Variants in CHODL observed in about 807,000 individuals in gnomAD.
CHODL encodes the protein chondrolectin.
In CHODL, 29 loss-of-function variants were observed where a neutral mutation model predicts 34.5. That is an observed-to-expected ratio of 0.84 (90% CI 0.63 to 1.15). The LOEUF (loss-of-function observed/expected upper bound fraction) is 1.15. Ranked by LOEUF, CHODL falls within the 50% of genes most tolerant of loss-of-function variation. CHODL has a pLI of 0.00. For synonymous variants in CHODL, 125 were observed against 116.1 expected (o/e 1.08, Z -0.49); for missense variants, 332 against 332.5 (o/e 1.00, Z 0.01).
At chr21:18,151,108 A>C in intron 2 of CHODL, among the ~76,000 whole-genome samples, 1 of 146,916 alleles carries the variant, frequency 6.8e-6, no homozygotes, top group African/African-American at 2.5e-5. Context: ...AAAAAAAAGA[A>C]AGAAATTCTC....
chr21:17,967,740 G>A (rs1204082613), intron 1 of CHODL, among the ~76,000 whole-genome samples: 2 of 152,142 alleles, frequency 1.3e-5, no homozygotes, highest in African/African-American at 4.8e-5. Context: ...TCCGTAACTA[G>A]GGTCTTTTTT....
At chr21:17,947,203 G>A (rs2063417562) in intron 1 of CHODL, among the ~76,000 whole-genome samples, 1 of 151,970 alleles carries the variant, frequency 6.6e-6, no homozygotes, top group Non-Finnish European at 1.5e-5. Context: ...AGTAATAGGA[G>A]GAACTTCAGA....
chr21:17,934,709 T>A (rs1275215600), intron 1 of CHODL, among the ~76,000 whole-genome samples: 1 of 152,200 alleles, frequency 6.6e-6, no homozygotes, highest in African/African-American at 2.4e-5. Flanking sequence ...AAAATGTCTA[T>A]AATATTTAAA....
Position 18,005,292 on chromosome 21 carries a change from G to A in CHODL, c.-144-22580G>A, listed in dbSNP as rs550434342. ...ATTCTTACCTATAATTCATAAGGCT[G>A]TTACAACTATTAAAGGAGGAATGTT... On this transcript the variant is annotated intron_variant, in intron 1 of 6. Transcript: ENST00000400127. Among the ~76,000 whole-genome samples, 12 of 152,290 alleles carry A rather than the reference G, an allele frequency of 7.9e-5. No individual in the cohort carries two copies. In the South Asian group the frequency reaches 1.7e-3, roughly 21 times the overall value.
chr21:18,035,584 T>C (rs1175906206), intron 2 of CHODL, among the ~76,000 whole-genome samples: 2 of 152,032 alleles, frequency 1.3e-5, no homozygotes, highest in East Asian at 3.9e-4. Context: ...CAATTTCATA[T>C]ATACTAGTCT....
At position 18,158,778 on chromosome 21, in the gene CHODL, C is replaced by T. The variant is rs145639870; in HGVS notation, c.-44-97731C>T. Among the ~76,000 whole-genome samples the T allele has an allele frequency of 2.5e-3, 353 of 140,818 alleles. 1 individual carries two copies. Among genetic ancestry groups the T allele is most frequent in the African/African-American group, 8.4e-3 (320 of 38,004 alleles). 92.4% of individuals were successfully genotyped at this position (140,818 alleles called of 152,430 possible). A position where few individuals can be genotyped will look rare whatever the true frequency, so the allele number is the denominator to read the frequency against. Reference sequence around the variant, plus strand: ...GCTTGAACCCGGGAGGCGGAAGTTGCGGTGAGCCGAGGTGCTGCCATTGTA... The same window carrying T: ...GCTTGAACCCGGGAGGCGGAAGTTGTGGTGAGCCGAGGTGCTGCCATTGTA... On this transcript the variant is annotated intron_variant, in intron 2 of 6. Coordinates refer to the CHODL transcript ENST00000400127.
intron 1 of CHODL, among the ~76,000 whole-genome samples, chr21:17,933,139 A>C (rs576074683): frequency 6.6e-5 from 10 of 152,206 alleles, no homozygotes; most frequent in Admixed American, 2.6e-4. Flanking sequence ...TAGATGGAAC[A>C]TACAATCGGG....
intron 2 of CHODL, among the ~76,000 whole-genome samples, chr21:18,233,440 TATC>T (rs2074001214): frequency 6.6e-6 from 1 of 152,106 alleles, no homozygotes; most frequent in Non-Finnish European, 1.5e-5. Context: ...ATGGCTATAG[TATC>T]ATAAGACATT....
At chr21:18,043,195 T>C (rs1369544251) in intron 2 of CHODL, among the ~76,000 whole-genome samples, 1 of 151,962 alleles carries the variant, frequency 6.6e-6, no homozygotes, top group Non-Finnish European at 1.5e-5. Flanking sequence ...GAAAACTCAT[T>C]GCAGGGCTAG....
intron 1 of CHODL, among the ~76,000 whole-genome samples, chr21:17,963,188 C>G (rs979080422): frequency 6.6e-6 from 1 of 152,046 alleles, no homozygotes; most frequent in African/African-American, 2.4e-5. Flanking sequence ...TTTGGATACA[C>G]CAGAGATTCC....
At chr21:18,000,876 C>T (rs1246677511) in intron 1 of CHODL, among the ~76,000 whole-genome samples, 4 of 151,330 alleles carry the variant, frequency 2.6e-5, no homozygotes, top group African/African-American at 9.7e-5. Context: ...TTTTCTTTTT[C>T]TTTTTTTTTC....
At chr21:18,164,181 C>T (rs778996773) in intron 2 of CHODL, among the ~76,000 whole-genome samples, 2 of 152,206 alleles carry the variant, frequency 1.3e-5, no homozygotes, top group African/African-American at 2.4e-5. Flanking sequence ...CCAAGCAGCA[C>T]AGGGCCAAAC....
intron 2 of CHODL, among the ~76,000 whole-genome samples, chr21:18,135,565 T>C (rs2146600976): frequency 6.6e-6 from 1 of 152,262 alleles, no homozygotes; most frequent in South Asian, 2.1e-4. Context: ...CCTTCTCCTA[T>C]ATCAATTTTT....
chr21:18,153,601 C>A (rs12626907), intron 2 of CHODL, among the ~76,000 whole-genome samples: 1 of 151,882 alleles, frequency 6.6e-6, no homozygotes, highest in East Asian at 1.9e-4. Flanking sequence ...ATAATAATTT[C>A]TCTATTTTAA....
intron 2 of CHODL, among the ~76,000 whole-genome samples, chr21:18,117,734 T>G (rs201603658): frequency 1.5e-5 from 1 of 65,302 alleles, no homozygotes; most frequent in African/African-American, 3.5e-5. Flanking sequence ...TAAGAAGAAA[T>G]AAATAAATAA....
intron 2 of CHODL, among the ~76,000 whole-genome samples, chr21:18,192,493 T>A (rs1263029426): frequency 1.3e-5 from 2 of 152,180 alleles, no homozygotes; most frequent in Non-Finnish European, 2.9e-5. Context: ...AAGGCAAAAG[T>A]CCTATCTTTA....
intron 1 of CHODL, among the ~76,000 whole-genome samples, chr21:18,015,896 G>A (rs1420610739): frequency 6.6e-6 from 1 of 152,168 alleles, no homozygotes; most frequent in Non-Finnish European, 1.5e-5. Flanking sequence ...GCTTAGAAAT[G>A]ATGTGGCCCA....
intron 2 of CHODL, among the ~76,000 whole-genome samples, chr21:18,042,800 A>C (rs2064392429): frequency 1.3e-5 from 2 of 151,928 alleles, no homozygotes; most frequent in African/African-American, 4.8e-5. Flanking sequence ...CGAATATGCA[A>C]AATTGTTGAA....
intron 2 of CHODL, among the ~76,000 whole-genome samples, chr21:18,207,827 A>G (rs935540151): frequency 6.6e-6 from 1 of 151,790 alleles, no homozygotes; most frequent in African/African-American, 2.4e-5. Context: ...TGCCAGATGT[A>G]TTGCAGATAT....
Sources: gnomAD v4.1 joint callset for allele counts (sites outside exome capture counted in the v4.1 genomes callset) on GRCh38, gnomAD v4.1.1 for gene constraint, MANE v1.5 for transcripts, NCBI Gene and HGNC (gene_info 2026-07-23, HGNC 2026-07-21) for gene names.